RPH3A: variants seen among roughly 807,000 people sequenced by gnomAD.
RPH3A encodes the protein rabphilin-3A.
Under a neutral mutation model 102.2 loss-of-function variants are expected in RPH3A, and 48 were observed. The ratio of observed to expected loss-of-function variants is 0.47; its 90% confidence interval spans 0.37 to 0.60. RPH3A has a LOEUF of 0.60. Ranked by LOEUF, RPH3A falls within the 20% of genes least tolerant of loss-of-function variation. RPH3A has a pLI of 0.00. For synonymous variants in RPH3A, 310 were observed against 324.3 expected, an observed-to-expected ratio of 0.96 and a Z score of 0.47; for missense variants, 781 against 910.1, an observed-to-expected ratio of 0.86 and a Z score of 1.83.
At chr12:112,747,429 T>A (rs573621920) in intron 1 of RPH3A, among the ~76,000 whole-genome samples, 2 of 152,216 alleles carry the variant, frequency 1.3e-5, no homozygotes, top group African/African-American at 4.8e-5. Flanking sequence ...TCCAGAACTA[T>A]AAGAAATAAA....
chr12:112,705,208 A>G (rs1268602840), intron 1 of RPH3A, among the ~76,000 whole-genome samples: 1 of 152,216 alleles, frequency 6.6e-6, no homozygotes, highest in Non-Finnish European at 1.5e-5. Context: ...GGCATGGCTC[A>G]GAGATTGCAT....
chr12:112,763,247 G>A (rs916407170), intron 1 of RPH3A, among the ~76,000 whole-genome samples: 7 of 152,218 alleles, frequency 4.6e-5, no homozygotes, highest in Non-Finnish European at 1.0e-4. Context: ...AATGCTCACC[G>A]AATGAATGTG....
At chr12:112,738,379 G>A (rs1480623735) in intron 1 of RPH3A, among the ~76,000 whole-genome samples, 1 of 151,792 alleles carries the variant, frequency 6.6e-6, no homozygotes, top group Non-Finnish European at 1.5e-5. Context: ...ACACATTTTT[G>A]GGTTTATGGC....
At chr12:112,895,609 G>A in intron 20 of RPH3A, 168 bp from the exon 21 acceptor site, 2 of 572,890 alleles carry the variant, frequency 3.5e-6, no homozygotes, top group Non-Finnish European at 6.3e-6. Flanking sequence ...GTTGGAAGGG[G>A]ATCACGGGAC....
At chr12:112,605,984 G>A (rs918044478) in intron 1 of RPH3A, among the ~76,000 whole-genome samples, 9 of 152,128 alleles carry the variant, frequency 5.9e-5, no homozygotes, top group Admixed American at 1.3e-4. Flanking sequence ...TGTATCACTC[G>A]ATTCTCACAA....
At chr12:112,887,185 C>T (rs566210435) in intron 16 of RPH3A, among the ~76,000 whole-genome samples, 14 of 152,156 alleles carry the variant, frequency 9.2e-5, no homozygotes, top group South Asian at 2.1e-4. Flanking sequence ...CATGTATATC[C>T]GAAAGACATG....
intron 2 of RPH3A, chr12:112,813,442 T>C (rs1015601979): frequency 6.6e-6 from 1 of 152,236 alleles, no homozygotes; most frequent in African/African-American, 2.4e-5. Flanking sequence ...GGGGAATAGA[T>C]AGAGGCAGGC....
chr12:112,749,078 T>C (rs903476080), intron 1 of RPH3A, among the ~76,000 whole-genome samples: 1 of 152,134 alleles, frequency 6.6e-6, no homozygotes, highest in Non-Finnish European at 1.5e-5. Context: ...CTGAAAGGCA[T>C]TTGCATATGA....
At chr12:112,754,941 A>G (rs1320804857) in intron 1 of RPH3A, among the ~76,000 whole-genome samples, 2 of 152,226 alleles carry the variant, frequency 1.3e-5, no homozygotes, top group Non-Finnish European at 2.9e-5. Context: ...ATTTTTTAAA[A>G]GCTTCCCAGG....
intron 1 of RPH3A, among the ~76,000 whole-genome samples, chr12:112,652,211 C>T (rs147319597): frequency 4.4e-4 from 67 of 152,206 alleles, no homozygotes; most frequent in African/African-American, 1.6e-3. Context: ...TGTGGTGGCT[C>T]ACACCTATAA....
chr12:112,855,898 AG>A (rs1024503227), intron 5 of RPH3A, among the ~76,000 whole-genome samples: 101 of 150,958 alleles, frequency 6.7e-4, no homozygotes, highest in African/African-American at 2.4e-3. Flanking sequence ...TGAGAGACAG[AG>A]AGAGAGAGAG....
chr12:112,884,629 A>G (rs1316666511), intron 16 of RPH3A, among the ~76,000 whole-genome samples: 1 of 152,230 alleles, frequency 6.6e-6, no homozygotes, highest in Non-Finnish European at 1.5e-5. Flanking sequence ...ACAGAAACCA[A>G]AGAGAATTAT....
At chr12:112,639,556 C>G (rs2039871744) in intron 1 of RPH3A, among the ~76,000 whole-genome samples, 1 of 152,048 alleles carries the variant, frequency 6.6e-6, no homozygotes. Flanking sequence ...GGGTTTAATA[C>G]CCAGGTGATG....
intron 1 of RPH3A, among the ~76,000 whole-genome samples, chr12:112,612,559 C>CTTTTTT (rs1007489149): frequency 1.8e-5 from 2 of 109,728 alleles, no homozygotes; most frequent in African/African-American, 3.7e-5. Flanking sequence ...GGAGTTTTGC[C>CTTTTTT]TTTTTTTTTT....
intron 1 of RPH3A, among the ~76,000 whole-genome samples, chr12:112,712,925 C>CTTCT (rs1565856803): frequency 0.029 from 2,720 of 94,348 alleles, 183 homozygotes; most frequent in South Asian, 0.047. Context: ...CTTCTTCTTC[C>CTTCT]TCTTCTTCTT....
intron 21 of RPH3A, 112 bp downstream of exon 21, chr12:112,895,985 A>G (rs1687634943): frequency 2.9e-6 from 2 of 699,200 alleles, no homozygotes; most frequent in African/African-American, 3.5e-5. Context: ...TGGCAACCTC[A>G]TTGTTCAAAT....
intron 1 of RPH3A, among the ~76,000 whole-genome samples, chr12:112,699,042 T>G (rs2040373433): frequency 6.6e-6 from 1 of 151,928 alleles, no homozygotes; most frequent in South Asian, 2.1e-4. Context: ...TACCTCAGCC[T>G]ACCAGGTAGC....
intron 1 of RPH3A, among the ~76,000 whole-genome samples, chr12:112,679,060 AAC>A (rs1390022651): frequency 2.6e-5 from 4 of 152,240 alleles, no homozygotes; most frequent in Admixed American, 6.5e-5. Context: ...TGCAGGCTGG[AAC>A]ACACTCGCCC....
At chr12:112,850,845 C>T (rs998512396) in intron 5 of RPH3A, 2 of 152,150 alleles carry the variant, frequency 1.3e-5, no homozygotes, top group African/African-American at 4.8e-5. Flanking sequence ...AGTTCCCCAC[C>T]CATCAAATGA....
Sources: gnomAD v4.1 joint callset for allele counts (sites outside exome capture counted in the v4.1 genomes callset) on GRCh38, gnomAD v4.1.1 for gene constraint, MANE v1.5 for transcripts, NCBI Gene and HGNC (gene_info 2026-07-23, HGNC 2026-07-21) for gene names.